The following CREBBP variants were observed in gnomAD, a reference collection of about 807,000 sequenced individuals.
The protein encoded by CREBBP is CREB binding lysine acetyltransferase, also known as CREB-binding protein.
A neutral mutation model predicts 265.0 loss-of-function variants in CREBBP; 19 were observed. The observed-to-expected ratio is 0.07, with a 90% CI of 0.05 to 0.11. The LOEUF (loss-of-function observed/expected upper bound fraction) is 0.11, where lower values mean the gene tolerates loss of function less well. CREBBP is among the 10% of genes least tolerant of loss of function. The pLI, the probability that CREBBP is intolerant of heterozygous loss-of-function variation, is 1.00. For synonymous variants in CREBBP, 1,457 were observed against 1,223.7 expected, an observed-to-expected ratio of 1.19 and a Z score of -3.98; for missense variants, 2,525 against 3,219.0, an observed-to-expected ratio of 0.78 and a Z score of 5.22.
intron 16 of CREBBP, among the ~76,000 whole-genome samples, chr16:3,766,223 G>T (rs1209910038): frequency 2.0e-5 from 3 of 152,156 alleles, no homozygotes; most frequent in Non-Finnish European, 4.4e-5. Context: ...ATAGATTCTG[G>T]TTCAATGTCG....
At chr16:3,768,771 G>A (rs571250146) in intron 15 of CREBBP, among the ~76,000 whole-genome samples, 1 of 152,204 alleles carries the variant, frequency 6.6e-6, no homozygotes, top group South Asian at 2.1e-4. Context: ...GTATTGTGTG[G>A]GCCAAACACA....
intron 3 of CREBBP, among the ~76,000 whole-genome samples, chr16:3,801,907 T>A (rs1475049184): frequency 6.6e-6 from 1 of 152,058 alleles, no homozygotes; most frequent in Non-Finnish European, 1.5e-5. Context: ...CTCCCCTGCC[T>A]GTTACTATTT....
intron 2 of CREBBP, among the ~76,000 whole-genome samples, chr16:3,832,183 A>T (rs1327069962): frequency 6.6e-6 from 1 of 152,126 alleles, no homozygotes; most frequent in Admixed American, 6.5e-5. Context: ...AAGTAACTGA[A>T]TCATAATTTT....
At chr16:3,767,593 T>C (rs1157041340) in intron 16 of CREBBP, 127 bp downstream of exon 16, 3 of 1,280,606 alleles carry the variant, frequency 2.3e-6, no homozygotes, top group Non-Finnish European at 3.3e-6. Context: ...GTCTGGGGAA[T>C]GGCAGGCAAG....
rs534834585 is a variant in CREBBP, at chr16:3,728,529, A to G, written c.6518T>C (p.Ile2173Thr). 2.5e-6 allele frequency: 4 copies of G among 1,613,808 alleles called. No homozygotes were observed. Among genetic ancestry groups the G allele is most frequent in the African/African-American group, 1.3e-5 (1 of 74,944 alleles). ...GLNPQGQALN[I>T]MNPGHNPNMA... ...GTTGGGGTTGTGTCCTGGGTTCATG[A>G]TGTTCAAGGCCTGGCCCTGGGGGTT... Residue 2173 changes from isoleucine (I) to threonine (T), a missense_variant, in exon 31 of 31, where the codon ATC becomes ACC. Around this residue, in one of 19 missense-constraint regions of CREBBP, gnomAD observed 473 missense variants for 459.3 expected, o/e 1.03. Coordinates refer to ENST00000262367, the MANE Select transcript of CREBBP (RefSeq NM_004380.3). The surrounding 1 kb of genome is among the most constrained non-coding windows in gnomAD (Gnocchi z 8.7).
At chr16:3,788,520 T>G (rs1236765136) in intron 5 of CREBBP, among the ~76,000 whole-genome samples, 2 of 152,246 alleles carry the variant, frequency 1.3e-5, no homozygotes, top group African/African-American at 4.8e-5. Flanking sequence ...CTGAATTTAC[T>G]GGAGGTCAGA....
At chr16:3,858,669 T>C (rs929766674) in intron 1 of CREBBP, among the ~76,000 whole-genome samples, 15 of 152,234 alleles carry the variant, frequency 9.9e-5, no homozygotes, top group African/African-American at 3.4e-4. Context: ...GTCAAAGATA[T>C]AAAGCAGTAA....
At chr16:3,807,052 C>T (rs768077839) in intron 3 of CREBBP, among the ~76,000 whole-genome samples, 6 of 152,182 alleles carry the variant, frequency 3.9e-5, no homozygotes, top group Non-Finnish European at 8.8e-5. Flanking sequence ...ATTTGTTTTC[C>T]GTGGCCACTA....
intron 21 of CREBBP, among the ~76,000 whole-genome samples, chr16:3,746,346 C>T (rs1302164329): frequency 6.6e-6 from 1 of 150,606 alleles, no homozygotes; most frequent in Admixed American, 6.6e-5. Context: ...ACACACAGAT[C>T]TGTGAAAAAA....
rs1596783891 is a variant in CREBBP at position 3,728,669 on chromosome 16, G to A, written c.6378C>T (p.Gly2126=). 2 of 1,613,812 alleles carry A rather than the reference G, an allele frequency of 1.2e-6. No individual in the cohort carries two copies. The highest frequency in any genetic ancestry group is 1.7e-6 in the Non-Finnish European group (2 of 1,179,906). Reference sequence around the variant, plus strand: ...GGTGCATGCCAGGCTGGGGTTGCATGCCGGGCTGGGACTGGAGGCCAGGCT... The same window carrying A: ...GGTGCATGCCAGGCTGGGGTTGCATACCGGGCTGGGACTGGAGGCCAGGCT... The part of the protein sequence containing the change: ...QPQPGLQSQP[G]MQPQPGMHQQ... The change falls in exon 31 of 31, where the codon GGC becomes GGT. Residue 2126 remains glycine, a synonymous_variant. Coordinates refer to ENST00000262367, the MANE Select transcript of CREBBP (RefSeq NM_004380.3). This position sits in a 1 kb window ranked among gnomAD's most constrained non-coding sequence, Gnocchi z 8.7.
rs189091762 is a variant in CREBBP, at chr16:3,763,212, C to T, written c.3251-4240G>A. Among the ~76,000 whole-genome samples the T allele has an allele frequency of 1.2e-3, 186 of 150,720 alleles. 4 individuals are homozygous for T. The Middle Eastern group carries it at 0.014, about 11-fold the overall frequency. On this transcript the variant is annotated intron_variant, in intron 16 of 30. Coordinates refer to ENST00000262367, the MANE Select transcript of CREBBP (RefSeq NM_004380.3). Reference sequence around the variant, plus strand: ...GACGAGGTCTTCTGGAGTGCAGTAGCGTAATCACAGCCCACTGCATGCAAA... The same window carrying T: ...GACGAGGTCTTCTGGAGTGCAGTAGTGTAATCACAGCCCACTGCATGCAAA...
chr16:3,794,732 C>T (rs2053575012), intron 3 of CREBBP, among the ~76,000 whole-genome samples: 1 of 152,144 alleles, frequency 6.6e-6, no homozygotes, highest in Admixed American at 6.6e-5. Context: ...GAAAAGGGGA[C>T]CCATAGAGTC....
At position 3,850,281 on chromosome 16, in the gene CREBBP, GC is replaced by G. The variant is rs2054801443; in HGVS notation, c.798+15del. On this transcript the variant is annotated intron_variant, in intron 2 of 30. Transcript: ENST00000262367. ...CGGTTAGGTAGGAAGTATTGAAAGT[GC>G]TTCAGTTCACTTACCTTGGCCATGC... 6.2e-7 allele frequency: 1 copy of G among 1,613,566 alleles called. No individual in the cohort carries two copies. The highest frequency in any genetic ancestry group is 1.3e-5 in the African/African-American group (1 of 74,922).
At chr16:3,749,058 A>G (rs978237871) in intron 21 of CREBBP, among the ~76,000 whole-genome samples, 9 of 152,300 alleles carry the variant, frequency 5.9e-5, no homozygotes, top group African/African-American at 2.2e-4. Flanking sequence ...GAGGCAGGAG[A>G]ATGGCGTGAA....
chr16:3,827,446 C>CAGTG, intron 2 of CREBBP, among the ~76,000 whole-genome samples: 1 of 152,232 alleles, frequency 6.6e-6, no homozygotes, highest in East Asian at 1.9e-4. Flanking sequence ...GGCTGGAGTG[C>CAGTG]AGTGACGCAA....
At position 3,777,650 on chromosome 16, in the gene CREBBP, G is replaced by C. The variant is rs1174768907; in HGVS notation, c.2121C>G (p.Pro707=). The C allele has an allele frequency of 6.2e-7, 1 of 1,613,958 alleles. No homozygotes were observed. Among genetic ancestry groups the C allele is most frequent in the Non-Finnish European group, 8.5e-7 (1 of 1,180,036 alleles). The stretch of plus-strand genomic sequence containing the variant: ...GCATGCGATTCACTGGCAGGGACAG[G>C]GGTCCATCTATGGTGGCAAAACAAA... ...QAQPVRPPNG[P]LSLPVNRMQV... The change falls in exon 11 of 31, where the codon CCC becomes CCG. Residue 707 remains proline (P), a synonymous_variant. Coordinates refer to ENST00000262367, the MANE Select transcript of CREBBP (RefSeq NM_004380.3).
chr16:3,763,486 G>T (rs1596868297), intron 16 of CREBBP, among the ~76,000 whole-genome samples: 1 of 152,070 alleles, frequency 6.6e-6, no homozygotes, highest in African/African-American at 2.4e-5. Context: ...TTGAGACGAA[G>T]TTTCTCTCTT....
chr16:3,753,456 C>T (rs1165885735), intron 19 of CREBBP, among the ~76,000 whole-genome samples: 1 of 152,192 alleles, frequency 6.6e-6, no homozygotes, highest in Admixed American at 6.5e-5. Context: ...AGGTTTCTTG[C>T]TGGGACTAAT....
At chr16:3,802,860 CT>C (rs1344624213) in intron 3 of CREBBP, among the ~76,000 whole-genome samples, 2 of 152,174 alleles carry the variant, frequency 1.3e-5, no homozygotes, top group Non-Finnish European at 2.9e-5. Context: ...GGAAACCTGA[CT>C]CCTCCACAAC....
Sources: gnomAD v4.1 joint callset for allele counts (sites outside exome capture counted in the v4.1 genomes callset) on GRCh38, gnomAD v4.1.1 for gene constraint, gnomAD v4.1.1 regional missense constraint, Gnocchi (gnomAD v3.1) non-coding constraint, MANE v1.5 for transcripts, NCBI Gene and HGNC (gene_info 2026-07-23, HGNC 2026-07-21) for gene names.